The following RINT1 variants were observed in gnomAD, a reference collection of about 807,000 sequenced individuals.
RINT1 encodes the protein RAD50 interactor 1.
In RINT1, 75 loss-of-function variants were observed where a neutral mutation model predicts 97.7. The ratio of observed to expected loss-of-function variants is 0.77; its 90% CI spans 0.64 to 0.93. The LOEUF (loss-of-function observed/expected upper bound fraction) is 0.93. Among genes scored for constraint, RINT1 ranks in the 40% least tolerant of loss-of-function variants. The probability of loss-of-function intolerance (pLI) is 0.00; values close to 1 mark genes in which losing one functional copy is unlikely to be tolerated. For missense variants in RINT1, 892 were observed against 925.2 expected (o/e 0.96, Z 0.47); for synonymous variants, 303 against 326.3 (o/e 0.93, Z 0.77).
intron 4 of RINT1, among the ~76,000 whole-genome samples, chr7:105,543,718 A>ATATGTTTT (rs1790550003): frequency 6.6e-6 from 1 of 152,072 alleles, no homozygotes; most frequent in African/African-American, 2.4e-5. Flanking sequence ...TTTGTTATGG[A>ATATGTTTT]TATGTTTTAT....
At chr7:105,557,557 A>G (rs1347743739) in intron 11 of RINT1, among the ~76,000 whole-genome samples, 1 of 152,198 alleles carries the variant, frequency 6.6e-6, no homozygotes, top group Non-Finnish European at 1.5e-5. Flanking sequence ...TCTAGAAAGC[A>G]TTAAATTTTA....
At chr7:105,554,952 G>T in intron 10 of RINT1, 76 bp from the exon 11 acceptor site, 1 of 1,118,106 alleles carries the variant, frequency 8.9e-7, no homozygotes. Context: ...CACTGAAGCA[G>T]GACAGTAGGG....
At chr7:105,538,710 T>C (rs188710436) in intron 3 of RINT1, among the ~76,000 whole-genome samples, 4 of 152,230 alleles carry the variant, frequency 2.6e-5, no homozygotes, top group East Asian at 3.9e-4. Flanking sequence ...CAGAAAAAAA[T>C]AGAAGCCTAG....
At chr7:105,545,761 C>T (rs1028123509) in intron 4 of RINT1, among the ~76,000 whole-genome samples, 180 of 150,928 alleles carry the variant, frequency 1.2e-3, no homozygotes, top group African/African-American at 4.0e-3. Context: ...AACTCCTGAC[C>T]TCCGGTGATC....
chr7:105,537,116 A>G (rs983286324), intron 3 of RINT1, among the ~76,000 whole-genome samples: 61 of 149,406 alleles, frequency 4.1e-4, no homozygotes, highest in African/African-American at 1.4e-3. Flanking sequence ...TGTAAACACC[A>G]TCATTTCAAT....
intron 11 of RINT1, among the ~76,000 whole-genome samples, chr7:105,561,195 T>C (rs1157580342): frequency 6.6e-6 from 1 of 152,154 alleles, no homozygotes; most frequent in Non-Finnish European, 1.5e-5. Flanking sequence ...TATGCTTAAA[T>C]GCTTGTTGAT....
At chr7:105,564,010 C>T (rs2133465950) in intron 12 of RINT1, 63 bp downstream of exon 12, 1 of 1,234,156 alleles carries the variant, frequency 8.1e-7, no homozygotes, top group East Asian at 2.4e-5. Context: ...AATATGTGGT[C>T]AGATTTTCAA....
chr7:105,558,011 T>G (rs1272472340), intron 11 of RINT1, among the ~76,000 whole-genome samples: 1 of 152,208 alleles, frequency 6.6e-6, no homozygotes, highest in Admixed American at 6.5e-5. Flanking sequence ...ATGATCAGTT[T>G]GTTTATAAAG....
rs1331333764 is a variant in RINT1 at position 105,565,649 on chromosome 7, G to A, written c.2186+1G>A. ...AGAGACCAGAAAATTATTTTAAACA[G>A]TAAGCTCAACATTTAACAATTAATA... On this transcript the variant is annotated splice_donor_variant, in intron 14 of 14. Coordinates refer to ENST00000257700, the MANE Select transcript of RINT1 (RefSeq NM_021930.6). LOFTEE classifies it high-confidence loss of function. 1.3e-6 allele frequency: 2 copies of A among 1,550,604 alleles called. No homozygotes were observed. Among genetic ancestry groups the A allele is most frequent in the Non-Finnish European group, 1.8e-6 (2 of 1,124,588 alleles).
chr7:105,558,607 T>G (rs1471626999), intron 11 of RINT1, among the ~76,000 whole-genome samples: 1 of 152,120 alleles, frequency 6.6e-6, no homozygotes, highest in Non-Finnish European at 1.5e-5. Context: ...GCTGATCACT[T>G]AAGCCCAGGA....
rs1165341726 is a variant in RINT1, at chr7:105,532,207, C to T, written c.-109C>T. On this transcript the variant is annotated 5_prime_UTR_variant, in exon 1 of 15. Coordinates refer to ENST00000257700, the MANE Select transcript of RINT1 (RefSeq NM_021930.6). ...ACATCGAGAGGAAGTCGCTGTGGCA[C>T]TCAGTCCTACGGCCTCCGAGGCTGG... 8.1e-7 allele frequency: 1 copy of T among 1,233,606 alleles called. No individual in the cohort carries two copies. Among genetic ancestry groups the T allele is most frequent in the Non-Finnish European group, 1.1e-6 (1 of 893,178 alleles). The allele number at this position is 1,233,606 out of a possible 1,614,324, so 76.4% of individuals were successfully genotyped here.
chr7:105,549,104 C>T (rs1194378151), intron 7 of RINT1, among the ~76,000 whole-genome samples: 2 of 151,890 alleles, frequency 1.3e-5, no homozygotes, highest in African/African-American at 4.8e-5. Flanking sequence ...TCTCCTGCCT[C>T]AGCCTCCCAA....
At position 105,565,516 on chromosome 7, in the gene RINT1, ATTCT is replaced by A. The variant is rs1791680385; in HGVS notation, c.2068-11_2068-8del. On this transcript the variant is annotated splice_polypyrimidine_tract_variant and intron_variant, in intron 13 of 14. Coordinates refer to ENST00000257700, the MANE Select transcript of RINT1 (RefSeq NM_021930.6). ...AATAAAGACAACTGTTATATGAATT[ATTCT>A]TTGTTTCAGATAATTCTTGCTAATC... The A allele has an allele frequency of 1.2e-6, 2 of 1,611,824 alleles. No homozygotes were observed. The highest frequency in any genetic ancestry group is 1.3e-5 in the African/African-American group (1 of 74,922).
At chr7:105,546,669 T>C (rs1255561826) in intron 4 of RINT1, among the ~76,000 whole-genome samples, 1 of 151,866 alleles carries the variant, frequency 6.6e-6, no homozygotes, top group African/African-American at 2.4e-5. Flanking sequence ...AGGTCAGGAG[T>C]TCAAGACCAG....
At chr7:105,563,548 T>G (rs1791537212) in intron 11 of RINT1, among the ~76,000 whole-genome samples, 185 bp from the exon 12 acceptor site, 1 of 152,124 alleles carries the variant, frequency 6.6e-6, no homozygotes, top group Non-Finnish European at 1.5e-5. Flanking sequence ...GCCAGGATGG[T>G]TTCGAACTCC....
intron 10 of RINT1, among the ~76,000 whole-genome samples, chr7:105,553,695 G>A (rs766122881): frequency 8.8e-5 from 13 of 147,830 alleles, no homozygotes; most frequent in Non-Finnish European, 1.5e-4. Context: ...TTACAGGCGT[G>A]AGCCACCATG....
chr7:105,564,176 C>T lies in RINT1; in HGVS notation c.1886+229C>T, dbSNP rs1014624949. On this transcript the variant is annotated intron_variant, in intron 12 of 14. Coordinates refer to ENST00000257700, the MANE Select transcript of RINT1 (RefSeq NM_021930.6). Reference sequence around the variant, plus strand: ...GATCTTGGCTCATTGCAACCTCTGCCTTAGAGGTTCAAGTGACCTTCCCAC... The same window carrying T: ...GATCTTGGCTCATTGCAACCTCTGCTTTAGAGGTTCAAGTGACCTTCCCAC... Among the ~76,000 whole-genome samples, 8 of 152,184 alleles carry T rather than the reference C, an allele frequency of 5.3e-5. No homozygotes were observed. The East Asian group carries it at 1.2e-3, about 22-fold the overall frequency.
chr7:105,559,181 C>T (rs1348423432), intron 11 of RINT1, among the ~76,000 whole-genome samples: 4 of 150,574 alleles, frequency 2.7e-5, no homozygotes, highest in South Asian at 2.1e-4. Flanking sequence ...GATCACCTGA[C>T]GTCAGGAGTT....
chr7:105,553,898 T>TA (rs1464852660), intron 10 of RINT1, among the ~76,000 whole-genome samples: 1 of 111,672 alleles, frequency 9.0e-6, no homozygotes, highest in East Asian at 2.4e-4. Context: ...TTTTTTTTTT[T>TA]TTTTTTTTTT....
Sources: allele counts gnomAD v4.1 joint callset (sites outside exome capture counted in the v4.1 genomes callset), GRCh38; gene constraint gnomAD v4.1.1; transcripts MANE v1.5; gene names NCBI Gene and HGNC (gene_info 2026-07-23, HGNC 2026-07-21).